HECW1: variants seen among roughly 807,000 people sequenced by gnomAD.
HECW1 encodes the protein E3 ubiquitin-protein ligase HECW1.
Under a neutral mutation model 182.3 loss-of-function variants are expected in HECW1, and 61 were observed. That is an observed-to-expected ratio of 0.33 (90% CI 0.27 to 0.41). The LOEUF is 0.41. HECW1 is among the 10% of genes least tolerant of loss of function. The pLI is 1.00. For missense variants in HECW1, 1,739 were observed against 2,108.9 expected (o/e 0.82, Z 3.44); for synonymous variants, 859 against 832.6 (o/e 1.03, Z -0.55).
intron 3 of HECW1, among the ~76,000 whole-genome samples, chr7:43,303,903 G>C (rs1807188564): frequency 6.6e-6 from 1 of 152,108 alleles, no homozygotes; most frequent in African/African-American, 2.4e-5. Flanking sequence ...GGGTAAGCAG[G>C]ACTCAAATCT....
chr7:43,373,178 G>T (rs950773179), intron 6 of HECW1, among the ~76,000 whole-genome samples: 2 of 150,110 alleles, frequency 1.3e-5, no homozygotes, highest in Non-Finnish European at 3.0e-5. Flanking sequence ...GCCCATGCAC[G>T]TTGGTGTCGT....
At position 43,432,423 on chromosome 7, in the gene HECW1, G is replaced by A. The variant is rs570397724; in HGVS notation, c.802-5580G>A. Among the ~76,000 whole-genome samples the A allele has an allele frequency of 1.3e-3, 204 of 152,344 alleles. 2 individuals are homozygous for A. Among genetic ancestry groups the A allele is most frequent in the African/African-American group, 4.5e-3 (186 of 41,580 alleles). On this transcript the variant is annotated intron_variant, in intron 8 of 29. Coordinates refer to ENST00000395891, the MANE Select transcript of HECW1 (RefSeq NM_015052.5). The surrounding 1 kb of genome is among the most constrained non-coding windows in gnomAD (Gnocchi z 4.1). ...CAAAGTGCTGGGATTACAGGTGTGA[G>A]CCACCGCGCCCGGCCCAGTTGTTTA...
intron 5 of HECW1, among the ~76,000 whole-genome samples, chr7:43,325,719 T>A (rs1584485997): frequency 6.6e-6 from 1 of 152,090 alleles, no homozygotes; most frequent in Admixed American, 6.6e-5. Flanking sequence ...TGCCCTAGTG[T>A]CCTGCCCCCG....
chr7:43,479,758 C>T lies in HECW1; in HGVS notation c.3234+14C>T. 2 of 1,613,588 alleles carry T rather than the reference C, an allele frequency of 1.2e-6. No individual in the cohort carries two copies. The highest frequency in any genetic ancestry group is 1.7e-6 in the Non-Finnish European group (2 of 1,179,596). On this transcript the variant is annotated intron_variant, in intron 17 of 29. Transcript: ENST00000395891. The stretch of plus-strand genomic sequence containing the variant: ...AGCGCTGGAGAGGTAACCCTCCCTA[C>T]ACCCCGCCCTACTGTTCACCGGTCA...
intron 27 of HECW1, 146 bp downstream of exon 27, chr7:43,550,737 C>T: frequency 1.3e-6 from 1 of 755,546 alleles, no homozygotes; most frequent in Non-Finnish European, 2.1e-6. Flanking sequence ...TCAGCGAGTG[C>T]TCCTCACCAG....
At chr7:43,156,821 A>G (rs1483580293) in intron 2 of HECW1, among the ~76,000 whole-genome samples, 1 of 151,266 alleles carries the variant, frequency 6.6e-6, no homozygotes, top group African/African-American at 2.5e-5. Context: ...GAGGCCATTC[A>G]CCACATTATC....
At chr7:43,297,883 G>A (rs1806237661) in intron 3 of HECW1, among the ~76,000 whole-genome samples, 1 of 152,182 alleles carries the variant, frequency 6.6e-6, no homozygotes, top group African/African-American at 2.4e-5. Flanking sequence ...ACCAATCTGG[G>A]CAGCATAGAG....
intron 11 of HECW1, among the ~76,000 whole-genome samples, chr7:43,450,302 G>A (rs2077190010): frequency 6.6e-6 from 1 of 152,014 alleles, no homozygotes; most frequent in African/African-American, 2.4e-5. Flanking sequence ...TGGCTCGCCA[G>A]CTCCTTGACC....
intron 3 of HECW1, among the ~76,000 whole-genome samples, chr7:43,300,575 C>T (rs1200019386): frequency 6.6e-6 from 1 of 152,130 alleles, no homozygotes. Context: ...TTGCTAACGG[C>T]CATGCCTGCT....
intron 6 of HECW1, among the ~76,000 whole-genome samples, chr7:43,381,126 T>G (rs903856289): frequency 1.3e-5 from 2 of 152,228 alleles, no homozygotes; most frequent in Non-Finnish European, 2.9e-5. Context: ...CCAGGTTTAT[T>G]GGCCATTGGA....
At chr7:43,424,759 A>G (rs2076301084) in intron 8 of HECW1, among the ~76,000 whole-genome samples, 1 of 152,242 alleles carries the variant, frequency 6.6e-6, no homozygotes, top group Admixed American at 6.5e-5. Flanking sequence ...CAACGGAATT[A>G]CTGTGGTTAT....
At chr7:43,173,654 C>T (rs1791913608) in intron 2 of HECW1, among the ~76,000 whole-genome samples, 1 of 152,188 alleles carries the variant, frequency 6.6e-6, no homozygotes, top group Non-Finnish European at 1.5e-5. Context: ...AATGCAGCCA[C>T]TGATCTGACA....
chr7:43,285,086 A>T (rs1477462184), intron 3 of HECW1, among the ~76,000 whole-genome samples: 1 of 152,012 alleles, frequency 6.6e-6, no homozygotes, highest in Non-Finnish European at 1.5e-5. Flanking sequence ...TAAAAAATGG[A>T]CCAGCTCTTT....
chr7:43,432,383 C>T lies in HECW1; in HGVS notation c.802-5620C>T, dbSNP rs2076581427. On this transcript the variant is annotated intron_variant, in intron 8 of 29. Transcript: ENST00000395891. The surrounding 1 kb of genome is among the most constrained non-coding windows in gnomAD (Gnocchi z 4.1). Reference sequence around the variant, plus strand: ...CTCGATCTCCTGACCTCGTGATCCGCCCGCCTCGGCCTCCCAAAGTGCTGG... The same window carrying T: ...CTCGATCTCCTGACCTCGTGATCCGTCCGCCTCGGCCTCCCAAAGTGCTGG... Among the ~76,000 whole-genome samples, 2 of 152,124 alleles carry T rather than the reference C, an allele frequency of 1.3e-5. No individual in the cohort carries two copies. The highest frequency in any genetic ancestry group is 2.4e-5 in the African/African-American group (1 of 41,412).
intron 8 of HECW1, among the ~76,000 whole-genome samples, chr7:43,408,205 TTAAA>T (rs1371173943): frequency 6.6e-6 from 1 of 152,156 alleles, no homozygotes; most frequent in African/African-American, 2.4e-5. Context: ...CCTGGTTGGG[TTAAA>T]TATTGTTTGA....
chr7:43,348,599 T>C (rs1299240822), intron 5 of HECW1, among the ~76,000 whole-genome samples: 3 of 152,244 alleles, frequency 2.0e-5, no homozygotes, highest in Non-Finnish European at 4.4e-5. Flanking sequence ...CCTTGAGATA[T>C]GACTTAAACT....
intron 3 of HECW1, among the ~76,000 whole-genome samples, chr7:43,279,994 TC>T (rs1803681298): frequency 6.6e-6 from 1 of 152,150 alleles, no homozygotes; most frequent in African/African-American, 2.4e-5. Flanking sequence ...AGACAGATGG[TC>T]TTCACAGCTC....
intron 2 of HECW1, among the ~76,000 whole-genome samples, chr7:43,172,824 C>T (rs529765074): frequency 1.3e-5 from 2 of 152,350 alleles, no homozygotes; most frequent in South Asian, 4.1e-4. Flanking sequence ...TCCTTGGACA[C>T]AGCATGAAGG....
intron 3 of HECW1, 121 bp from the exon 4 acceptor site, chr7:43,311,642 G>A: frequency 1.1e-6 from 1 of 894,656 alleles, no homozygotes; most frequent in Non-Finnish European, 1.9e-6. Flanking sequence ...TTTCATATCT[G>A]CCCAGCAGGG....
Sources: gnomAD v4.1 joint callset for allele counts (sites outside exome capture counted in the v4.1 genomes callset) on GRCh38, gnomAD v4.1.1 for gene constraint, Gnocchi (gnomAD v3.1) non-coding constraint, MANE v1.5 for transcripts, NCBI Gene and HGNC (gene_info 2026-07-23, HGNC 2026-07-21) for gene names.